CREBBP: variants seen among roughly 807,000 people sequenced by gnomAD.
CREBBP encodes the protein CREB binding lysine acetyltransferase.
CREBBP carries 19 observed loss-of-function variants against 265.0 expected under a neutral mutation model. The ratio of observed to expected loss-of-function variants is 0.07; its 90% CI spans 0.05 to 0.11. The LOEUF (loss-of-function observed/expected upper bound fraction) is 0.11. Ranked by LOEUF, CREBBP falls within the 10% of genes least tolerant of loss-of-function variation. The pLI, the probability that CREBBP is intolerant of heterozygous loss-of-function variation, is 1.00. For missense variants in CREBBP, 2,525 were observed against 3,219.0 expected (o/e 0.78, Z 5.22); for synonymous variants, 1,457 against 1,223.7 (o/e 1.19, Z -3.98).
intron 1 of CREBBP, among the ~76,000 whole-genome samples, chr16:3,860,603 T>C (rs539147066): frequency 1.4e-4 from 22 of 152,338 alleles, no homozygotes; most frequent in African/African-American, 3.4e-4. Context: ...CCACAATGTA[T>C]AGATATTTCA....
At chr16:3,770,490 C>T (rs1332998616) in intron 14 of CREBBP, 80 bp downstream of exon 14, 4 of 1,521,816 alleles carry the variant, frequency 2.6e-6, no homozygotes, top group Non-Finnish European at 3.6e-6. Flanking sequence ...ACCACCGCGC[C>T]TGGCCTGACA....
rs372786878 is a variant in CREBBP at position 3,792,037 on chromosome 16, T to C, written c.1274A>G (p.His425Arg). The C allele has an allele frequency of 6.2e-7, 1 of 1,614,140 alleles. No homozygotes were observed. Residue 425 changes from histidine to arginine, a missense_variant, in exon 5 of 31, where the codon CAT becomes CGT. By Grantham distance (29) the His-to-Arg change is conservative. Transcript: ENST00000262367. ...IISHWKNCTR[H>R]DCPVCLPLKN... ...CAAAGGGAGGCAAACAGGACAGTCATGTCGTGTGCAGTTCTTCCAATGAGA... is the reference window on the plus strand; with the variant it reads ...CAAAGGGAGGCAAACAGGACAGTCACGTCGTGTGCAGTTCTTCCAATGAGA...
At chr16:3,849,436 T>TGTG (rs2054757875) in intron 2 of CREBBP, among the ~76,000 whole-genome samples, 53 of 11,406 alleles carry the variant, frequency 4.6e-3, no homozygotes, top group Non-Finnish European at 0.018. Context: ...TGTGTGTGTG[T>TGTG]GTGTGTGTGT....
At chr16:3,819,000 G>A (rs909623083) in intron 2 of CREBBP, among the ~76,000 whole-genome samples, 2 of 152,216 alleles carry the variant, frequency 1.3e-5, no homozygotes, top group Non-Finnish European at 2.9e-5. Context: ...CCCGCTTAAC[G>A]CAACTCTGTC....
chr16:3,815,519 A>G (rs2054020112), intron 2 of CREBBP, among the ~76,000 whole-genome samples: 2 of 139,786 alleles, frequency 1.4e-5, no homozygotes, highest in East Asian at 4.3e-4. Flanking sequence ...GACAGAGGGG[A>G]GACTCCATCT....
chr16:3,880,004 G>T lies in CREBBP; in HGVS notation c.-88C>A. ...GGGTCGGGGGCCCTGCCGGCTGCGA[G>T]GGAGAGGAGCGAGCGCGGGCCGCGA... On this transcript the variant is annotated 5_prime_UTR_variant, in exon 1 of 31. Coordinates refer to ENST00000262367, the MANE Select transcript of CREBBP (RefSeq NM_004380.3). 1 of 1,218,920 alleles carries T rather than the reference G, an allele frequency of 8.2e-7. No individual in the cohort carries two copies. The allele number at this position is 1,218,920 out of a possible 1,614,324, so 75.5% of individuals were successfully genotyped here. A position where few individuals can be genotyped will look rare whatever the true frequency, so the allele number is the denominator to read the frequency against.
Position 3,850,380 on chromosome 16 carries a change from G to C in CREBBP, c.715C>G (p.Leu239Val). 6.2e-7 allele frequency: 1 copy of C among 1,614,254 alleles called. No homozygotes were observed. Among genetic ancestry groups the C allele is most frequent in the Non-Finnish European group, 8.5e-7 (1 of 1,180,038 alleles). ...GAAACCTGCGTTAGGGTCTCAGCCA[G>C]CACGCTGCTCGAGGCGCCCTGCATG... ...PAMQGASSSV[L>V]AETLTQVSPQ... Residue 239 changes from leucine to valine, a missense_variant, in exon 2 of 31, where the codon CTG becomes GTG. This residue lies in a region of CREBBP where 356 missense variants were observed against 340.4 expected (regional missense o/e 1.05). Coordinates refer to ENST00000262367, the MANE Select transcript of CREBBP (RefSeq NM_004380.3).
rs754327524 is a variant in CREBBP, at chr16:3,726,870, T to A, written c.*848A>T. The A allele has an allele frequency of 4.3e-6, 1 of 233,536 alleles. No homozygotes were observed. Among genetic ancestry groups the A allele is most frequent in the Non-Finnish European group, 8.5e-6 (1 of 118,038 alleles). 14.5% of individuals were successfully genotyped at this position (233,536 alleles called of 1,614,324 possible). ...CAATATGATATAAGAAATGAGTTGG[T>A]ATTTTACCATTCTATACAGTGATTG... On this transcript the variant is annotated 3_prime_UTR_variant, in exon 31 of 31. Transcript: ENST00000262367.
intron 20 of CREBBP, among the ~76,000 whole-genome samples, chr16:3,750,175 T>A (rs1004232613): frequency 1.1e-4 from 17 of 152,222 alleles, no homozygotes; most frequent in African/African-American, 2.7e-4. Flanking sequence ...TAAGTTTTTT[T>A]AATTTTTTGT....
chr16:3,851,629 C>T (rs563005846), intron 1 of CREBBP, among the ~76,000 whole-genome samples: 175 of 150,302 alleles, frequency 1.2e-3, no homozygotes, highest in African/African-American at 3.4e-3. Flanking sequence ...CTGAGGCAGG[C>T]GGATCACGAG....
intron 20 of CREBBP, among the ~76,000 whole-genome samples, chr16:3,751,056 C>CA (rs955341296): frequency 4.8e-5 from 7 of 146,448 alleles, no homozygotes; most frequent in African/African-American, 7.6e-5. Context: ...GACCCCATTT[C>CA]AAAAAAAAAA....
intron 28 of CREBBP, among the ~76,000 whole-genome samples, chr16:3,735,119 C>T (rs548617699): frequency 5.9e-5 from 9 of 152,304 alleles, no homozygotes; most frequent in East Asian, 1.9e-4. Context: ...CTCCTCCCAC[C>T]GCCTGGCGGG....
intron 9 of CREBBP, 60 bp from the exon 10 acceptor site, chr16:3,778,242 C>CTGTGT: frequency 7.2e-7 from 1 of 1,389,570 alleles, no homozygotes; most frequent in Non-Finnish European, 1.0e-6. Flanking sequence ...ACTGAATGAT[C>CTGTGT]TGTGTTGTAG....
rs1197154230 is a variant in CREBBP at position 3,745,258 on chromosome 16, G to A, written c.3914+19C>T. 6.2e-7 allele frequency: 1 copy of A among 1,610,134 alleles called. No individual in the cohort carries two copies. Among genetic ancestry groups the A allele is most frequent in the East Asian group, 2.2e-5 (1 of 44,784 alleles). On this transcript the variant is annotated intron_variant, in intron 22 of 30. Coordinates refer to ENST00000262367, the MANE Select transcript of CREBBP (RefSeq NM_004380.3). ...GGCTCTGTGCAGAACTGCCCTCCAG[G>A]CCAGGGGAAACAACTCACCCTGAAG...
At chr16:3,767,626 TTA>T (rs2052887320) in intron 16 of CREBBP, 92 bp downstream of exon 16, 1 of 1,532,214 alleles carries the variant, frequency 6.5e-7, no homozygotes, top group Non-Finnish European at 9.0e-7. Flanking sequence ...GCAGATAGAA[TTA>T]TGTTTCTACT....
chr16:3,846,797 C>T lies in CREBBP; in HGVS notation c.798+3500G>A, dbSNP rs569837243. Among the ~76,000 whole-genome samples, 8 of 152,282 alleles carry T rather than the reference C, an allele frequency of 5.3e-5. No individual in the cohort carries two copies. In the East Asian group the frequency reaches 7.7e-4, roughly 15 times the overall value. The stretch of plus-strand genomic sequence containing the variant: ...ACACCCCTCTCTCTACGCCTCTATA[C>T]GCATACATCATCACTGGCAGGACAG... On this transcript the variant is annotated intron_variant, in intron 2 of 30. Coordinates refer to ENST00000262367, the MANE Select transcript of CREBBP (RefSeq NM_004380.3).
At chr16:3,738,520 G>C (rs768885943) in intron 26 of CREBBP, 39 bp downstream of exon 26, 3 of 1,205,478 alleles carry the variant, frequency 2.5e-6, no homozygotes, top group African/African-American at 3.0e-5. Flanking sequence ...AAAAAATAAA[G>C]GGTTCTTACT....
At chr16:3,759,639 A>G (rs959861175) in intron 16 of CREBBP, among the ~76,000 whole-genome samples, 3 of 151,840 alleles carry the variant, frequency 2.0e-5, no homozygotes, top group Non-Finnish European at 2.9e-5. Context: ...TCCTCTGAGT[A>G]AAGTTTTTTA....
At chr16:3,740,267 G>T in intron 24 of CREBBP, 132 bp downstream of exon 24, 1 of 1,008,712 alleles carries the variant, frequency 9.9e-7, no homozygotes, top group Non-Finnish European at 1.5e-6. Context: ...AGCTGAGGGG[G>T]CTACTGCACG....
Sources: allele counts gnomAD v4.1 joint callset (sites outside exome capture counted in the v4.1 genomes callset), GRCh38; gene constraint gnomAD v4.1.1; regional missense constraint gnomAD v4.1.1; transcripts MANE v1.5; gene names NCBI Gene and HGNC (gene_info 2026-07-23, HGNC 2026-07-21).